Variants in UBQLN1 observed in about 807,000 individuals in gnomAD.
The protein encoded by UBQLN1 is ubiquilin 1, also known as ubiquilin-1.
A neutral mutation model predicts 65.4 loss-of-function variants in UBQLN1; 13 were observed. The observed-to-expected ratio is 0.20, with a 90% CI of 0.13 to 0.32. UBQLN1 has a LOEUF of 0.32. UBQLN1 is among the 10% of genes least tolerant of loss of function. UBQLN1 has a pLI of 1.00. For missense variants in UBQLN1, 561 were observed against 724.0 expected (o/e 0.77, Z 2.58); for synonymous variants, 267 against 247.8 (o/e 1.08, Z -0.73).
At chr9:83,678,315 C>A (rs1010414448) in intron 5 of UBQLN1, 126 bp downstream of exon 5, 21 of 1,225,398 alleles carry the variant, frequency 1.7e-5, no homozygotes, top group Admixed American at 9.8e-5. Flanking sequence ...GCCACTGCAC[C>A]CGGCCACTGA....
chr9:83,707,614 A>G lies in UBQLN1; in HGVS notation c.66T>C (p.Gly22=), dbSNP rs1323539604. ...GSQDSAAGAE[G]AGAPAAAASA... Reference sequence around the variant, plus strand: ...AGGCAGCGGCCGCGGGGGCGCCAGCACCTTCGGCTCCGGCGGCGCTATCCT... The same window carrying G: ...AGGCAGCGGCCGCGGGGGCGCCAGCGCCTTCGGCTCCGGCGGCGCTATCCT... Residue 22 remains glycine (G), a synonymous_variant, in exon 1 of 11, where the codon GGT becomes GGC. Coordinates refer to ENST00000376395, the MANE Select transcript of UBQLN1 (RefSeq NM_013438.5). The G allele has an allele frequency of 1.3e-6, 2 of 1,590,234 alleles. No individual in the cohort carries two copies. Among genetic ancestry groups the G allele is most frequent in the South Asian group, 1.1e-5 (1 of 88,462 alleles).
intron 1 of UBQLN1, among the ~76,000 whole-genome samples, chr9:83,705,257 T>TTTTTTTTTTTTTTTTAAA (rs1832381378): frequency 6.7e-6 from 1 of 150,204 alleles, no homozygotes. Flanking sequence ...TTTTTTTTTT[T>TTTTTTTTTTTTTTTTAAA]GAAACGGAGT....
chr9:83,673,594 T>C (rs1349242745), intron 6 of UBQLN1, among the ~76,000 whole-genome samples: 2 of 150,706 alleles, frequency 1.3e-5, no homozygotes, highest in Non-Finnish European at 2.9e-5. Flanking sequence ...CGCTTACGTT[T>C]TTATTTTTAA....
intron 6 of UBQLN1, among the ~76,000 whole-genome samples, chr9:83,670,527 T>C (rs1831712189): frequency 6.6e-6 from 1 of 152,162 alleles, no homozygotes; most frequent in Admixed American, 6.5e-5. Flanking sequence ...CTATTAAGTA[T>C]GCCACAGCCT....
At chr9:83,664,156 T>C (rs2131140357) in intron 9 of UBQLN1, 113 bp from the exon 10 acceptor site, 3 of 1,223,670 alleles carry the variant, frequency 2.5e-6, no homozygotes, top group South Asian at 3.2e-5. Context: ...TAAGCCCTTT[T>C]GGCCTGGTGC....
intron 6 of UBQLN1, among the ~76,000 whole-genome samples, chr9:83,670,471 T>C (rs1831711448): frequency 6.6e-6 from 1 of 152,186 alleles, no homozygotes; most frequent in African/African-American, 2.4e-5. Flanking sequence ...ACACACATTT[T>C]TTGGTTTCCC....
intron 1 of UBQLN1, among the ~76,000 whole-genome samples, chr9:83,689,106 T>TA (rs1373427105): frequency 1.3e-5 from 2 of 151,878 alleles, no homozygotes; most frequent in Non-Finnish European, 2.9e-5. Context: ...CTTCCAACCA[T>TA]AAGAAACCAG....
intron 2 of UBQLN1, among the ~76,000 whole-genome samples, chr9:83,685,615 T>TAAAA (rs376944218): frequency 7.6e-6 from 1 of 131,862 alleles, no homozygotes. Context: ...CTCTGTCTCT[T>TAAAA]AAAAAAAAAA....
intron 7 of UBQLN1, chr9:83,666,786 T>C: frequency 5.2e-6 from 1 of 191,514 alleles, no homozygotes; most frequent in South Asian, 1.2e-4. Flanking sequence ...ATATATTTTC[T>C]ACTACACTGG....
intron 6 of UBQLN1, among the ~76,000 whole-genome samples, chr9:83,673,554 A>AC (rs1831773197): frequency 2.3e-5 from 2 of 86,526 alleles, no homozygotes; most frequent in African/African-American, 6.9e-5. Context: ...TTTAAAAAAA[A>AC]AAAAAAAAAA....
intron 10 of UBQLN1, 69 bp from the exon 11 acceptor site, chr9:83,662,008 A>G: frequency 6.9e-7 from 1 of 1,458,036 alleles, no homozygotes; most frequent in Non-Finnish European, 9.3e-7. Context: ...GACTTTTAAA[A>G]TTTTTTAATT....
At chr9:83,683,918 G>A (rs1390726889) in intron 2 of UBQLN1, among the ~76,000 whole-genome samples, 1 of 152,046 alleles carries the variant, frequency 6.6e-6, no homozygotes, top group African/African-American at 2.4e-5. Context: ...GTACTCAGGA[G>A]GCTGAGGCAG....
intron 1 of UBQLN1, among the ~76,000 whole-genome samples, chr9:83,702,731 G>T (rs763858349): frequency 6.6e-6 from 1 of 152,008 alleles, no homozygotes; most frequent in Non-Finnish European, 1.5e-5. Flanking sequence ...ACCACATGTG[G>T]GTGATGGTAT....
rs922971938 is a variant in UBQLN1, at chr9:83,667,416, G to A, written c.1249-983C>T. The A allele has an allele frequency of 3.7e-6, 3 of 813,270 alleles. No homozygotes were observed. The African/African-American group carries it at 5.6e-5, about 15-fold the overall frequency. The allele number at this position is 813,270 out of a possible 1,614,324, so 50.4% of individuals were successfully genotyped here. Reference sequence around the variant, plus strand: ...GAAGTTAACCGTATTTAAGAGCAATGTAAATGCTGGTAGAGAAAATTCGCC... The same window carrying A: ...GAAGTTAACCGTATTTAAGAGCAATATAAATGCTGGTAGAGAAAATTCGCC... On this transcript the variant is annotated intron_variant, in intron 7 of 10. Coordinates refer to ENST00000376395, the MANE Select transcript of UBQLN1 (RefSeq NM_013438.5).
At chr9:83,697,733 CTTTTTTTT>C (rs35319221) in intron 1 of UBQLN1, among the ~76,000 whole-genome samples, 2 of 98,350 alleles carry the variant, frequency 2.0e-5, no homozygotes, top group Non-Finnish European at 3.8e-5. Flanking sequence ...TTTTTGTACC[CTTTTTTTT>C]TTTTTTTTTT....
intron 6 of UBQLN1, among the ~76,000 whole-genome samples, chr9:83,671,464 G>C (rs944933436): frequency 6.6e-6 from 1 of 152,102 alleles, no homozygotes. Flanking sequence ...GCTGCATGCA[G>C]AATGAATGCT....
At chr9:83,697,507 G>A (rs1186036820) in intron 1 of UBQLN1, among the ~76,000 whole-genome samples, 7 of 120,246 alleles carry the variant, frequency 5.8e-5, no homozygotes, top group African/African-American at 2.2e-4. Context: ...AGCTGAGATT[G>A]CACCACTGCA....
At chr9:83,684,322 G>A (rs1397082183) in intron 2 of UBQLN1, among the ~76,000 whole-genome samples, 1 of 151,732 alleles carries the variant, frequency 6.6e-6, no homozygotes, top group Admixed American at 6.6e-5. Flanking sequence ...AGCCTCCCGA[G>A]TAGCTGGGAC....
rs897047482 is a variant in UBQLN1, at chr9:83,669,214, G to C, written c.1219C>G (p.Leu407Val). 6.2e-7 allele frequency: 1 copy of C among 1,612,070 alleles called. No homozygotes were observed. The highest frequency in any genetic ancestry group is 1.7e-5 in the Admixed American group (1 of 59,176). The change falls in exon 7 of 11, where the codon CTA (leucine) becomes GTA (valine). Residue 407 changes from leucine (L) to valine (V), a missense_variant. Physicochemically the swap from Leu to Val is conservative, Grantham distance 32. Coordinates refer to ENST00000376395, the MANE Select transcript of UBQLN1 (RefSeq NM_013438.5). Reference sequence around the variant, plus strand: ...GCAGCAAGGTCAGGATTCTGGCTTAGTGACTGCATCATGCTTCTCATGTAG... The same window carrying C: ...GCAGCAAGGTCAGGATTCTGGCTTACTGACTGCATCATGCTTCTCATGTAG... Reference protein sequence around the residue: ...APYMRSMMQSLSQNPDLAAQM... With the variant: ...APYMRSMMQSVSQNPDLAAQM...
Sources: allele counts gnomAD v4.1 joint callset (sites outside exome capture counted in the v4.1 genomes callset), GRCh38; gene constraint gnomAD v4.1.1; transcripts MANE v1.5; gene names NCBI Gene and HGNC (gene_info 2026-07-23, HGNC 2026-07-21).